The following KLHL4 variants were observed in gnomAD, a reference collection of about 807,000 sequenced individuals.
KLHL4 encodes kelch-like protein 4.
KLHL4 carries 17 observed loss-of-function variants against 45.8 expected under a neutral mutation model. That is an observed-to-expected ratio of 0.37 (90% CI 0.25 to 0.56). The LOEUF is 0.56. Ranked by LOEUF, KLHL4 falls within the 20% of genes least tolerant of loss-of-function variation. The pLI, the probability that KLHL4 is intolerant of heterozygous loss-of-function variation, is 0.79. For synonymous variants in KLHL4, 224 were observed against 189.9 expected, an observed-to-expected ratio of 1.18 and a Z score of -1.47; for missense variants, 544 against 544.9, an observed-to-expected ratio of 1.00 and a Z score of 0.02.
rs186592671 is a variant in KLHL4, at chrX:87,667,540, T to C, written c.*1006T>C. ...TCTTTTTTGTACCAACACATGCTTTTCTGTTACTGTTATATTATCCAGTAG... is the reference window on the plus strand; with the variant it reads ...TCTTTTTTGTACCAACACATGCTTTCCTGTTACTGTTATATTATCCAGTAG... On this transcript the variant is annotated 3_prime_UTR_variant, in exon 11 of 11. Coordinates refer to ENST00000373119, the MANE Select transcript of KLHL4 (RefSeq NM_019117.5). The C allele has an allele frequency of 2.4e-3, 1,649 of 685,872 alleles. 19 individuals are homozygous for C. In the African/African-American group the frequency reaches 0.036, roughly 15 times the overall value. 56.5% of individuals were successfully genotyped at this position (685,872 alleles called of 1,213,427 possible).
intron 1 of KLHL4, among the ~76,000 whole-genome samples, chrX:87,564,471 T>C (rs1932167346): frequency 9.1e-6 from 1 of 109,485 alleles, no homozygotes; most frequent in South Asian, 3.8e-4. Flanking sequence ...CACAAACAGG[T>C]TGAAAGTGAA....
At chrX:87,576,282 G>T (rs1268708752) in intron 1 of KLHL4, among the ~76,000 whole-genome samples, 1 of 111,426 alleles carries the variant, frequency 9.0e-6, no homozygotes, top group East Asian at 2.8e-4. Context: ...ATATGTGAAA[G>T]CTGAAAAATA....
intron 1 of KLHL4, among the ~76,000 whole-genome samples, chrX:87,605,762 A>G (rs766698482): frequency 1.8e-5 from 2 of 111,159 alleles, no homozygotes; most frequent in Admixed American, 1.9e-4. Context: ...TTCCAGTGCT[A>G]TGTGGAAGTG....
intron 1 of KLHL4, among the ~76,000 whole-genome samples, chrX:87,549,898 GA>G (rs1350437764): frequency 2.7e-5 from 3 of 110,117 alleles, no homozygotes; most frequent in African/African-American, 9.8e-5. Flanking sequence ...AAAATTATTA[GA>G]AAAAAATAAT....
chrX:87,597,451 A>G (rs1921872090), intron 1 of KLHL4, among the ~76,000 whole-genome samples: 1 of 111,661 alleles, frequency 9.0e-6, no homozygotes, highest in Non-Finnish European at 1.9e-5. Flanking sequence ...TTTCTGGTAC[A>G]AAACCACTTT....
At chrX:87,575,775 T>A (rs372811322) in intron 1 of KLHL4, among the ~76,000 whole-genome samples, 7 of 111,313 alleles carry the variant, frequency 6.3e-5, no homozygotes, top group African/African-American at 2.3e-4. Context: ...GAGAATGAAA[T>A]TTGTAAAAAG....
intron 9 of KLHL4, among the ~76,000 whole-genome samples, chrX:87,650,253 AC>A (rs1340734269): frequency 9.1e-6 from 1 of 110,336 alleles, no homozygotes; most frequent in African/African-American, 3.3e-5. Flanking sequence ...GTGCCACCAC[AC>A]TCGGCAAAAT....
At chrX:87,584,039 A>G (rs1413863600) in intron 1 of KLHL4, among the ~76,000 whole-genome samples, 2 of 111,401 alleles carry the variant, frequency 1.8e-5, no homozygotes, top group Admixed American at 9.6e-5. Flanking sequence ...TTGGGAGAAC[A>G]AAAGGAAAAG....
chrX:87,559,880 A>G (rs1456876000), intron 1 of KLHL4, among the ~76,000 whole-genome samples: 1 of 111,678 alleles, frequency 9.0e-6, no homozygotes, highest in Non-Finnish European at 1.9e-5. Flanking sequence ...ATACAGTAGT[A>G]TAATAATACT....
intron 1 of KLHL4, among the ~76,000 whole-genome samples, chrX:87,577,298 C>T (rs1921133279): frequency 8.9e-6 from 1 of 112,014 alleles, no homozygotes; most frequent in Non-Finnish European, 1.9e-5. Flanking sequence ...AAATATCGTG[C>T]TTTTATTCTT....
intron 1 of KLHL4, among the ~76,000 whole-genome samples, chrX:87,581,292 T>C: frequency 8.9e-6 from 1 of 112,623 alleles, no homozygotes; most frequent in Non-Finnish European, 1.9e-5. Flanking sequence ...CAGTCTAGCC[T>C]ATTGGCCTTG....
chrX:87,531,711 A>G (rs1602401657), intron 1 of KLHL4, among the ~76,000 whole-genome samples: 1 of 103,171 alleles, frequency 9.7e-6, no homozygotes, highest in East Asian at 3.3e-4. Context: ...GAGCCAAATC[A>G]TGAGTGAACT....
intron 4 of KLHL4, among the ~76,000 whole-genome samples, chrX:87,619,291 T>C (rs186518584): frequency 1.8e-5 from 2 of 111,949 alleles, no homozygotes; most frequent in African/African-American, 6.5e-5. Context: ...TGGAGTTTTA[T>C]ACAGAAGGTA....
rs1930919119 is a variant in KLHL4 at position 87,517,917 on chromosome X, G to A, written c.24G>A (p.Glu8=). The change falls in exon 1 of 11, where the codon GAG becomes GAA. Residue 8 remains glutamate (E), a synonymous_variant. Coordinates refer to ENST00000373119, the MANE Select transcript of KLHL4 (RefSeq NM_019117.5). ...CGATGTCAGTGTCTGGCAAGAAAGA[G>A]TTTGATGTGAAACAGATCCTAAGGC... MSVSGKK[E]FDVKQILRLR... 2 of 1,207,992 alleles carry A rather than the reference G, an allele frequency of 1.7e-6. No homozygotes were observed. Among genetic ancestry groups the A allele is most frequent in the African/African-American group, 1.7e-5 (1 of 57,773 alleles).
intron 1 of KLHL4, among the ~76,000 whole-genome samples, chrX:87,565,099 T>G (rs2147786826): frequency 8.9e-6 from 1 of 111,861 alleles, no homozygotes; most frequent in Admixed American, 9.5e-5. Context: ...CAAGGAAAAT[T>G]AGAAAATATT....
intron 1 of KLHL4, among the ~76,000 whole-genome samples, chrX:87,568,383 C>CTTTTTTTTTTTTTTTTT (rs756469573): frequency 5.1e-5 from 3 of 59,250 alleles, no homozygotes; most frequent in African/African-American, 2.0e-4. Flanking sequence ...TTTTTCTTTT[C>CTTTTTTTTTTTTTTTTT]TTTTTTTCTT....
At position 87,614,453 on chromosome X, in the gene KLHL4, T is replaced by A; in HGVS notation, c.610T>A (p.Ser204Thr). 2 of 1,208,861 alleles carry A rather than the reference T, an allele frequency of 1.7e-6. No individual in the cohort carries two copies. The highest frequency in any genetic ancestry group is 2.2e-6 in the Non-Finnish European group (2 of 893,487). Reference sequence around the variant, plus strand: ...TTCCAGGTTGGTTCTCAGCGCAGTGTCTGATTATTTTGCTGCAATGTTTAC... The same window carrying A: ...TTCCAGGTTGGTTCTCAGCGCAGTGACTGATTATTTTGCTGCAATGTTTAC... ...PAHRLVLSAV[S>T]DYFAAMFTND... is the part of the protein sequence containing the mutation. Residue 204 changes from serine (S) to threonine (T), a missense_variant, in exon 3 of 11, where the codon TCT becomes ACT. Coordinates refer to ENST00000373119, the MANE Select transcript of KLHL4 (RefSeq NM_019117.5).
chrX:87,605,232 C>A (rs1389633689), intron 1 of KLHL4, among the ~76,000 whole-genome samples: 2 of 111,166 alleles, frequency 1.8e-5, no homozygotes, highest in Non-Finnish European at 3.8e-5. Flanking sequence ...CTCAGGATTC[C>A]TTTGGCTATT....
chrX:87,536,741 G>C (rs907617860), intron 1 of KLHL4, among the ~76,000 whole-genome samples: 1 of 110,702 alleles, frequency 9.0e-6, no homozygotes, highest in South Asian at 3.8e-4. Context: ...ATACAAATCT[G>C]AAAAAAATAT....
Sources: allele counts gnomAD v4.1 joint callset (sites outside exome capture counted in the v4.1 genomes callset), GRCh38; gene constraint gnomAD v4.1.1; transcripts MANE v1.5; gene names NCBI Gene and HGNC (gene_info 2026-07-23, HGNC 2026-07-21).